KL: variants seen among roughly 807,000 people sequenced by gnomAD.
KL encodes klotho.
A neutral mutation model predicts 84.2 loss-of-function variants in KL; 62 were observed. The observed-to-expected ratio is 0.74, with a 90% CI of 0.60 to 0.91. KL has a LOEUF of 0.91. Ranked by LOEUF, KL falls within the 40% of genes least tolerant of loss-of-function variation. KL has a pLI of 0.00. For missense variants in KL, 1,261 were observed against 1,305.7 expected, an observed-to-expected ratio of 0.97 and a Z score of 0.53; for synonymous variants, 528 against 528.0, an observed-to-expected ratio of 1.00 and a Z score of 0.00.
Position 33,054,182 on chromosome 13 carries a change from T to C in KL, c.1235T>C (p.Ile412Thr). Residue 412 changes from isoleucine (I) to threonine (T), a missense_variant, in exon 2 of 5, where the codon ATT becomes ACT. Physicochemically the swap from Ile to Thr is moderately conservative, Grantham distance 89 (BLOSUM62 -1). Coordinates refer to ENST00000380099, the MANE Select transcript of KL (RefSeq NM_004795.4). ...GAATTTAACCATCCTCAAATATTTATTGTGGAAAATGGCTGGTTTGTCTCA... is the reference window on the plus strand; with the variant it reads ...GAATTTAACCATCCTCAAATATTTACTGTGGAAAATGGCTGGTTTGTCTCA... ...DLEFNHPQIF[I>T]VENGWFVSGT... 1.2e-6 allele frequency: 2 copies of C among 1,613,912 alleles called. No homozygotes were observed. Among genetic ancestry groups the C allele is most frequent in the Non-Finnish European group, 1.7e-6 (2 of 1,179,980 alleles).
chr13:33,035,225 G>A (rs1871113990), intron 1 of KL, among the ~76,000 whole-genome samples: 1 of 152,194 alleles, frequency 6.6e-6, no homozygotes, highest in Non-Finnish European at 1.5e-5. Flanking sequence ...TTCTTTGGGT[G>A]AAAAGCGTTC....
At chr13:33,059,719 C>G (rs528839413) in intron 3 of KL, among the ~76,000 whole-genome samples, 14 of 152,304 alleles carry the variant, frequency 9.2e-5, no homozygotes, top group African/African-American at 3.4e-4. Flanking sequence ...GATCTGCCCG[C>G]CTTGGCCCCG....
At chr13:33,028,804 T>C (rs757830938) in intron 1 of KL, among the ~76,000 whole-genome samples, 10 of 152,366 alleles carry the variant, frequency 6.6e-5, no homozygotes, top group Middle Eastern at 3.4e-3. Flanking sequence ...GTGAATGATA[T>C]TCATGTTGGC....
chr13:33,052,595 G>A (rs1489784108), intron 1 of KL, among the ~76,000 whole-genome samples: 1 of 152,126 alleles, frequency 6.6e-6, no homozygotes, highest in Non-Finnish European at 1.5e-5. Flanking sequence ...GAAATGTTTG[G>A]CTGAACCCAT....
At chr13:33,062,048 C>T (rs2138244968) in intron 4 of KL, among the ~76,000 whole-genome samples, 1 of 152,336 alleles carries the variant, frequency 6.6e-6, no homozygotes, top group South Asian at 2.1e-4. Context: ...GGCTCCACAG[C>T]AGTCTTAACT....
intron 2 of KL, among the ~76,000 whole-genome samples, chr13:33,054,681 G>A (rs1871885603): frequency 6.6e-6 from 1 of 152,144 alleles, no homozygotes; most frequent in Non-Finnish European, 1.5e-5. Flanking sequence ...AGTATAAATA[G>A]ATCATGCTTT....
chr13:33,059,794 A>G (rs1202361634), intron 3 of KL, among the ~76,000 whole-genome samples: 1 of 152,018 alleles, frequency 6.6e-6, no homozygotes, highest in African/African-American at 2.4e-5. Context: ...TTCTACCATC[A>G]GTCAGATTGA....
chr13:33,060,804 T>G lies in KL; in HGVS notation c.1725T>G (p.Phe575Leu), dbSNP rs2138242351. 6.2e-7 allele frequency: 1 copy of G among 1,614,250 alleles called. No homozygotes were observed. The highest frequency in any genetic ancestry group is 8.5e-7 in the Non-Finnish European group (1 of 1,180,050). The change falls in exon 4 of 5, where the codon TTT becomes TTG. Residue 575 changes from phenylalanine to leucine, a missense_variant. By Grantham distance (22) the Phe-to-Leu change is conservative. Coordinates refer to ENST00000380099, the MANE Select transcript of KL (RefSeq NM_004795.4). ...AGAGGAAATCCTACTGTGTTGACTTTGCTGCCATCCAGCCCCAGATCGCTT... is the reference window on the plus strand; with the variant it reads ...AGAGGAAATCCTACTGTGTTGACTTGGCTGCCATCCAGCCCCAGATCGCTT... ...TKKRKSYCVD[F>L]AAIQPQIALL...
At chr13:33,041,084 C>T (rs1593798829) in intron 1 of KL, among the ~76,000 whole-genome samples, 2 of 152,110 alleles carry the variant, frequency 1.3e-5, no homozygotes, top group Non-Finnish European at 2.9e-5. Flanking sequence ...CTATTTTCCA[C>T]GTAGTAGCCA....
Position 33,065,085 on chromosome 13 carries a change from T to A in KL, c.*899T>A. ...TGATTATACACCATTTTTGAGCAGA[T>A]CTTGGAATGAATGACATGACCTTTC... On this transcript the variant is annotated 3_prime_UTR_variant, in exon 5 of 5. Transcript: ENST00000380099. The A allele has an allele frequency of 4.4e-6, 1 of 227,570 alleles. No individual in the cohort carries two copies. The allele number at this position is 227,570 out of a possible 1,614,324, so 14.1% of individuals were successfully genotyped here.
intron 3 of KL, among the ~76,000 whole-genome samples, chr13:33,056,785 G>A (rs9634687): frequency 0.14 from 20,720 of 151,858 alleles, 1,876 homozygotes; most frequent in East Asian, 0.28. Flanking sequence ...CAGCCTGGGT[G>A]ACAGAGCAAG....
Position 33,063,859 on chromosome 13 carries a change from G to A in KL, c.2712G>A (p.Leu904=), listed in dbSNP as rs996587617. 3.7e-6 allele frequency: 6 copies of A among 1,613,864 alleles called. No homozygotes were observed. In the African/African-American group the frequency reaches 8.0e-5, roughly 22 times the overall value. Residue 904 remains leucine, a synonymous_variant, in exon 5 of 5, where the codon CTG becomes CTA. Coordinates refer to ENST00000380099, the MANE Select transcript of KL (RefSeq NM_004795.4). ...CTTTTGTTTTTCCAGCCCACATACT[G>A]GATGGTATCAATCTTTGCGGATACT... ...YINEALKAHI[L]DGINLCGYFA...
chr13:33,056,567 G>A (rs921317949), intron 3 of KL, among the ~76,000 whole-genome samples: 9 of 151,854 alleles, frequency 5.9e-5, no homozygotes, highest in Non-Finnish European at 1.3e-4. Context: ...AGGCCGAGGC[G>A]GGCGGATCAT....
chr13:33,017,539 T>C (rs1394175957), intron 1 of KL, among the ~76,000 whole-genome samples: 1 of 152,166 alleles, frequency 6.6e-6, no homozygotes, highest in Non-Finnish European at 1.5e-5. Flanking sequence ...CTCCTTTCTC[T>C]GGGTGTAGAG....
intron 1 of KL, among the ~76,000 whole-genome samples, chr13:33,021,611 A>C (rs1870578102): frequency 6.6e-6 from 1 of 152,188 alleles, no homozygotes; most frequent in Non-Finnish European, 1.5e-5. Context: ...GGCCGGGCGC[A>C]GTGGCTCACA....
rs753365219 is a variant in KL, at chr13:33,061,751, T to C, written c.2672T>C (p.Met891Thr). The change falls in exon 4 of 5, where the codon ATG becomes ACG. Residue 891 changes from methionine (M) to threonine (T), a missense_variant. Physicochemically the swap from Met to Thr is moderately conservative, Grantham distance 81. Transcript: ENST00000380099. ...AEDDQLRVYY[M>T]QNYINEALKA... is the part of the protein sequence containing the mutation. ...GACGACCAGCTGAGGGTGTATTATA[T>C]GCAGAATTACATAAACGAAGCTCTC... The C allele has an allele frequency of 6.8e-6, 11 of 1,614,050 alleles. No individual in the cohort carries two copies. Among genetic ancestry groups the C allele is most frequent in the East Asian group, 4.5e-5 (2 of 44,878 alleles).
chr13:33,017,358 G>C (rs1374459442), intron 1 of KL, 99 bp downstream of exon 1: 8 of 1,134,568 alleles, frequency 7.1e-6, no homozygotes, highest in African/African-American at 1.6e-5. Context: ...CCCAGACGAG[G>C]CTTCACTTGG....
intron 1 of KL, among the ~76,000 whole-genome samples, chr13:33,053,011 G>T (rs1871811346): frequency 6.6e-6 from 1 of 152,198 alleles, no homozygotes; most frequent in South Asian, 2.1e-4. Context: ...GGAGTATAAA[G>T]TTGGTTTTAT....
chr13:33,030,744 C>A (rs1311386787), intron 1 of KL, among the ~76,000 whole-genome samples: 4 of 152,094 alleles, frequency 2.6e-5, no homozygotes, highest in Non-Finnish European at 5.9e-5. Context: ...AACAGAAAAG[C>A]AAACCAGGGA....
Sources: gnomAD v4.1 joint callset for allele counts (sites outside exome capture counted in the v4.1 genomes callset) on GRCh38, gnomAD v4.1.1 for gene constraint, MANE v1.5 for transcripts, NCBI Gene and HGNC (gene_info 2026-07-23, HGNC 2026-07-21) for gene names.